Variants in MARK1 observed in about 807,000 individuals in gnomAD.
The protein encoded by MARK1 is serine/threonine-protein kinase MARK1.
MARK1 carries 40 observed loss-of-function variants against 96.3 expected under a neutral mutation model. That is an observed-to-expected ratio of 0.42 (90% CI 0.32 to 0.54). The LOEUF (loss-of-function observed/expected upper bound fraction) is 0.54, where lower values mean the gene tolerates loss of function less well. Among genes scored for constraint, MARK1 ranks in the 20% least tolerant of loss-of-function variants. The pLI is 0.16. For missense variants in MARK1, 719 were observed against 984.6 expected, an observed-to-expected ratio of 0.73 and a Z score of 3.61; for synonymous variants, 317 against 341.2, an observed-to-expected ratio of 0.93 and a Z score of 0.78.
At chr1:220,603,961 G>A (rs1665911053) in intron 5 of MARK1, 106 bp from the exon 6 acceptor site, 1 of 598,542 alleles carries the variant, frequency 1.7e-6, no homozygotes, top group Non-Finnish European at 2.8e-6. Flanking sequence ...GCAGAAAATT[G>A]TGGGCCAAAA....
At chr1:220,652,966 G>T (rs1209511747) in intron 15 of MARK1, 135 bp from the exon 16 acceptor site, 2 of 941,356 alleles carry the variant, frequency 2.1e-6, no homozygotes, top group East Asian at 5.2e-5. Context: ...CCAAACCCAT[G>T]TCTCACATCT....
chr1:220,539,073 C>G (rs1431710360), intron 1 of MARK1, among the ~76,000 whole-genome samples: 1 of 151,696 alleles, frequency 6.6e-6, no homozygotes, highest in Non-Finnish European at 1.5e-5. Flanking sequence ...CTTCTCCTGC[C>G]TAATTGCCTT....
At chr1:220,625,889 T>C (rs374277230) in intron 9 of MARK1, 2 of 495,372 alleles carry the variant, frequency 4.0e-6, no homozygotes, top group Non-Finnish European at 8.2e-6. Context: ...CACTGAACAA[T>C]AGAAATCTGT....
At chr1:220,563,858 CAT>C (rs1662856039) in intron 1 of MARK1, among the ~76,000 whole-genome samples, 2 of 152,142 alleles carry the variant, frequency 1.3e-5, no homozygotes, top group South Asian at 2.1e-4. Context: ...ATAATCAAAA[CAT>C]ATTTTTAATG....
intron 9 of MARK1, among the ~76,000 whole-genome samples, chr1:220,630,621 C>A (rs1667633202): frequency 6.6e-6 from 1 of 151,984 alleles, no homozygotes; most frequent in South Asian, 2.1e-4. Flanking sequence ...CTCTTCTTTA[C>A]TAATATTTTA....
chr1:220,586,039 TA>T, intron 3 of MARK1, among the ~76,000 whole-genome samples: 1 of 140,058 alleles, frequency 7.1e-6, no homozygotes. Context: ...AGAGAGAGTT[TA>T]AAATGTAATA....
At chr1:220,563,780 C>T (rs1662848526) in intron 1 of MARK1, among the ~76,000 whole-genome samples, 2 of 152,170 alleles carry the variant, frequency 1.3e-5, no homozygotes, top group South Asian at 2.1e-4. Flanking sequence ...GGATTCAAAC[C>T]AGGTGGCCTG....
In MARK1 at chr1:220,544,884, G is replaced by A. The variant is rs368785293; in HGVS notation, c.51+16011G>A. On this transcript the variant is annotated intron_variant, in intron 1 of 17. Coordinates refer to ENST00000366917, the MANE Select transcript of MARK1 (RefSeq NM_018650.5). Reference sequence around the variant, plus strand: ...TTTGCTTTTATTTCCTTTTCTATTCGCTTCATCACAATTGAAGATGATAAG... The same window carrying A: ...TTTGCTTTTATTTCCTTTTCTATTCACTTCATCACAATTGAAGATGATAAG... 4.6e-5 allele frequency among the ~76,000 whole-genome samples: 7 copies of A among 152,070 alleles called. No homozygotes were observed. The East Asian group carries it at 1.2e-3, about 25-fold the overall frequency.
In MARK1 at chr1:220,569,412, C is replaced by A. The variant is rs1219632565; in HGVS notation, c.52-9942C>A. On this transcript the variant is annotated intron_variant, in intron 1 of 17. Transcript: ENST00000366917. ...CATTTATTAAACTTTTTTTTAGTGACTTCTATTTTATGTTATACCTAGAGA... is the reference window on the plus strand; with the variant it reads ...CATTTATTAAACTTTTTTTTAGTGAATTCTATTTTATGTTATACCTAGAGA... 2.6e-5 allele frequency among the ~76,000 whole-genome samples: 4 copies of A among 151,866 alleles called. No homozygotes were observed. The South Asian group carries it at 6.2e-4, about 24-fold the overall frequency.
chr1:220,586,020 T>TGCGC (rs1553323044), intron 3 of MARK1, among the ~76,000 whole-genome samples: 5 of 146,798 alleles, frequency 3.4e-5, no homozygotes, highest in Non-Finnish European at 5.9e-5. Flanking sequence ...CACGCGCGCG[T>TGCGC]GCGCAGAGAG....
chr1:220,578,508 G>A (rs532996023), intron 1 of MARK1, among the ~76,000 whole-genome samples: 2 of 152,296 alleles, frequency 1.3e-5, no homozygotes, highest in African/African-American at 4.8e-5. Context: ...CTTTCACTTG[G>A]ACATGATAAA....
Position 220,528,205 on chromosome 1 carries a change from CG to C in MARK1, c.-615del, listed in dbSNP as rs956783799. 3.3e-5 allele frequency: 5 copies of C among 150,384 alleles called. No homozygotes were observed. The highest frequency in any genetic ancestry group is 1.2e-4 in the African/African-American group (5 of 41,254). 9.3% of individuals were successfully genotyped at this position (150,384 alleles called of 1,614,324 possible). On this transcript the variant is annotated 5_prime_UTR_variant, in exon 1 of 18. Coordinates refer to ENST00000366917, the MANE Select transcript of MARK1 (RefSeq NM_018650.5). ...CCCGCTGCTCCGCGCGCAGCCGGCT[CG>C]GGCCGCTCCTCCTGACTGAGGCGCG...
Position 220,533,014 on chromosome 1 carries a change from A to ATTT in MARK1, c.51+4141_51+4142insTTT, listed in dbSNP as rs1558239412. Among the ~76,000 whole-genome samples the ATTT allele has an allele frequency of 9.7e-4, 145 of 149,630 alleles. 2 individuals are homozygous for ATTT. The highest frequency in any genetic ancestry group is 3.5e-3 in the African/African-American group (137 of 39,618). ...GACAGAGTGTGAACCCTTTTTTTTA[A>ATTT]AAAAAAAAATAGATTTTAGAAGAGC... On this transcript the variant is annotated intron_variant, in intron 1 of 17. Coordinates refer to ENST00000366917, the MANE Select transcript of MARK1 (RefSeq NM_018650.5).
At chr1:220,642,255 G>A (rs777528404) in intron 13 of MARK1, among the ~76,000 whole-genome samples, 14 of 152,182 alleles carry the variant, frequency 9.2e-5, no homozygotes, top group Non-Finnish European at 1.5e-4. Flanking sequence ...AGCGTTGGGG[G>A]CAACCGCCAT....
chr1:220,599,041 T>C (rs568483626), intron 4 of MARK1, among the ~76,000 whole-genome samples: 1 of 152,222 alleles, frequency 6.6e-6, no homozygotes, highest in East Asian at 1.9e-4. Context: ...AAAATGGCTT[T>C]CAGATATTTT....
intron 17 of MARK1, among the ~76,000 whole-genome samples, chr1:220,659,827 G>A (rs1669374370): frequency 2.0e-5 from 3 of 151,640 alleles, no homozygotes; most frequent in Admixed American, 6.6e-5. Flanking sequence ...GTTTTGCTCT[G>A]TTGCCTAGGC....
intron 14 of MARK1, among the ~76,000 whole-genome samples, chr1:220,651,740 A>G (rs1668889488): frequency 1.3e-5 from 2 of 152,320 alleles, no homozygotes; most frequent in East Asian, 1.9e-4. Context: ...TCACATTTAC[A>G]TACATAGTGT....
At chr1:220,570,793 A>C (rs1572099000) in intron 1 of MARK1, among the ~76,000 whole-genome samples, 1 of 152,206 alleles carries the variant, frequency 6.6e-6, no homozygotes, top group Non-Finnish European at 1.5e-5. Flanking sequence ...AAAACAAGTC[A>C]GGTAAAAGAC....
chr1:220,653,309 T>G lies in MARK1; in HGVS notation c.1945T>G (p.Ser649Ala). The change falls in exon 16 of 18, where the codon TCA (serine) becomes GCA (alanine). Residue 649 changes from serine (S) to alanine (A), a missense_variant. Ser to Ala is a moderately conservative substitution (Grantham distance 99). Around this residue, in one of 4 missense-constraint regions of MARK1, gnomAD observed 501 missense variants for 588.3 expected, o/e 0.85. Transcript: ENST00000366917. ...GAFAHARRGT[S>A]TGIISKITSK... ...ATTTGCACATGCCAGAAGGGGAACG[T>G]CAACTGGTATAATAAGCAAAATCAC... The G allele has an allele frequency of 6.2e-7, 1 of 1,614,224 alleles. No homozygotes were observed. Among genetic ancestry groups the G allele is most frequent in the Non-Finnish European group, 8.5e-7 (1 of 1,180,044 alleles).
Sources: gnomAD v4.1 joint callset for allele counts (sites outside exome capture counted in the v4.1 genomes callset) on GRCh38, gnomAD v4.1.1 for gene constraint, gnomAD v4.1.1 regional missense constraint, MANE v1.5 for transcripts, NCBI Gene and HGNC (gene_info 2026-07-23, HGNC 2026-07-21) for gene names.